Variants in CIMAP1B observed in about 807,000 individuals in gnomAD.
CIMAP1B encodes the protein orf2 5' to PD-ECGF/TP.
At chr22:50,530,712 C>T in the CIMAP1B span, 4 of 1,611,988 alleles carry the variant, frequency 2.5e-6, no homozygotes, top group South Asian at 2.2e-5. Context: ...TCCAGGCCAC[C>T]TGATCCACGT....
At chr22:50,530,901 A>G in the CIMAP1B span, 2 of 1,608,786 alleles carry the variant, frequency 1.2e-6, no homozygotes, top group Non-Finnish European at 1.7e-6. Flanking sequence ...GCCGCGGACC[A>G]GGGACCCCCT....
the CIMAP1B span, chr22:50,532,157 TG>T: frequency 1.5e-6 from 2 of 1,306,364 alleles, no homozygotes; most frequent in Non-Finnish European, 2.0e-6. Flanking sequence ...CGCAAATTCT[TG>T]GGGAGCGCAC....
chr22:50,532,031 CG>C, the CIMAP1B span: 2 of 1,344,724 alleles, frequency 1.5e-6, no homozygotes, highest in Non-Finnish European at 9.6e-7. Context: ...GATGGGGCCG[CG>C]GGGCCGGTGT....
the CIMAP1B span, chr22:50,531,975 TG>T: frequency 7.5e-7 from 1 of 1,340,394 alleles, no homozygotes; most frequent in Non-Finnish European, 9.6e-7. Flanking sequence ...CTACCGGTGT[TG>T]GGCGGCAGCT....
the CIMAP1B span, chr22:50,532,171 T>A: frequency 1.5e-6 from 2 of 1,299,202 alleles, no homozygotes; most frequent in Non-Finnish European, 2.0e-6. Context: ...GAGCGCACTT[T>A]CCCACTACCC....
At chr22:50,530,878 TGCCGCCTCCACTGCCGCGGACCAGGG>T in the CIMAP1B span, 8 of 1,606,588 alleles carry the variant, frequency 5.0e-6, no homozygotes, top group Non-Finnish European at 6.8e-6. Flanking sequence ...GGGTGCTGGC[TGCCGCCTCCACTGCCGCGGACCAGGG>T]ACCCCCTGCG....
the CIMAP1B span, chr22:50,531,529 C>A: frequency 7.2e-7 from 1 of 1,397,122 alleles, no homozygotes. Context: ...TCCCTGGAGG[C>A]AGTTCGGCGT....
chr22:50,530,893 C>T, the CIMAP1B span: 1 of 1,608,208 alleles, frequency 6.2e-7, no homozygotes. Context: ...CCTCCACTGC[C>T]GCGGACCAGG....
the CIMAP1B span, chr22:50,530,691 T>G: frequency 6.2e-7 from 1 of 1,610,406 alleles, no homozygotes; most frequent in South Asian, 1.1e-5. Context: ...CTCTGACCCT[T>G]GACCCTGGGC....
chr22:50,531,395 T>C, the CIMAP1B span: 2 of 1,134,296 alleles, frequency 1.8e-6, no homozygotes, highest in Non-Finnish European at 2.5e-6. Context: ...TGAGCCACGA[T>C]TTATCAAAGC....
chr22:50,532,307 T>A, the CIMAP1B span: 4 of 478,324 alleles, frequency 8.4e-6, no homozygotes, highest in Non-Finnish European at 1.3e-5. Context: ...TCACCCGGAC[T>A]CCAGGCGCAT....
the CIMAP1B span, chr22:50,531,886 C>G: frequency 1.7e-5 from 22 of 1,324,012 alleles, no homozygotes; most frequent in South Asian, 6.4e-5. Flanking sequence ...GGTTCAGCCC[C>G]GAGCGCAGGC....
chr22:50,532,133 C>G, the CIMAP1B span: 1 of 1,329,868 alleles, frequency 7.5e-7, no homozygotes, highest in Non-Finnish European at 9.7e-7. Flanking sequence ...AGGCGGTGGC[C>G]GCGGCCCCTG....
the CIMAP1B span, chr22:50,531,644 C>A: frequency 7.2e-7 from 1 of 1,380,750 alleles, no homozygotes. Flanking sequence ...GCCGTCGGTG[C>A]CGCGCACGGT....
the CIMAP1B span, chr22:50,531,697 C>A: frequency 3.2e-5 from 44 of 1,366,094 alleles, no homozygotes; most frequent in Middle Eastern, 7.6e-4. Context: ...GGCCGCACGT[C>A]GTCTGCTGCG....
chr22:50,531,506 TC>T, the CIMAP1B span: 95 of 1,351,404 alleles, frequency 7.0e-5, no homozygotes, highest in Middle Eastern at 3.5e-3. Context: ...GGTCGGGGGT[TC>T]CCAGGTGGGC....
At chr22:50,532,186 A>T in the CIMAP1B span, 1 of 1,279,858 alleles carries the variant, frequency 7.8e-7, no homozygotes, top group Non-Finnish European at 1.0e-6. Context: ...CTACCCTGGG[A>T]TCAGCGCGGG....
At chr22:50,531,507 C>A in the CIMAP1B span, 1 of 1,361,204 alleles carries the variant, frequency 7.3e-7, no homozygotes. Context: ...GTCGGGGGTT[C>A]CCAGGTGGGC....
At chr22:50,532,193 CG>C in the CIMAP1B span, 1 of 1,241,460 alleles carries the variant, frequency 8.1e-7, no homozygotes. Context: ...GGGATCAGCG[CG>C]GGGCGGGGCG....
Sources: allele counts gnomAD v4.1 joint callset, GRCh38; gene constraint gnomAD v4.1.1; transcripts MANE v1.5; gene names NCBI Gene and HGNC (gene_info 2026-07-23, HGNC 2026-07-21).